Variants in NBAS observed in about 807,000 individuals in gnomAD.
NBAS encodes NBAS subunit of NRZ tethering complex, also known as NAG/BC035112 fusion.
In NBAS, 219 loss-of-function variants were observed where a neutral mutation model predicts 302.5. The ratio of observed to expected loss-of-function variants is 0.72; its 90% CI spans 0.65 to 0.81. NBAS has a LOEUF of 0.81. NBAS is among the 30% of genes least tolerant of loss of function. The pLI, the probability that NBAS is intolerant of heterozygous loss-of-function variation, is 0.00. For missense variants in NBAS, 2,932 were observed against 2,841.6 expected (o/e 1.03, Z -0.72); for synonymous variants, 1,118 against 1,021.6 (o/e 1.09, Z -1.80).
the NBAS span, among the ~76,000 whole-genome samples, chr2:14,944,311 A>C: frequency 1.4e-4 from 15 of 105,186 alleles, no homozygotes; most frequent in Non-Finnish European, 2.8e-4. Flanking sequence ...CTCAAAACAA[A>C]AAACAAAAAA....
chr2:15,070,454 G>T, the NBAS span, among the ~76,000 whole-genome samples: 6 of 152,138 alleles, frequency 3.9e-5, no homozygotes, highest in African/African-American at 4.8e-5. Flanking sequence ...CTGGGGTGTT[G>T]TTGGCCCCAT....
chr2:15,352,906 G>A (rs1302457951), intron 34 of NBAS, among the ~76,000 whole-genome samples: 3 of 149,514 alleles, frequency 2.0e-5, no homozygotes, highest in Non-Finnish European at 4.4e-5. Context: ...TTATCTTAGA[G>A]AGGCAGTGTG....
chr2:14,810,560 C>T, the NBAS span, among the ~76,000 whole-genome samples: 5 of 152,144 alleles, frequency 3.3e-5, no homozygotes, highest in African/African-American at 9.7e-5. Flanking sequence ...GTAAATTGCT[C>T]GGTCTTGGGC....
the NBAS span, among the ~76,000 whole-genome samples, chr2:14,861,481 G>A: frequency 6.6e-6 from 1 of 152,154 alleles, no homozygotes; most frequent in Admixed American, 6.5e-5. Context: ...AGATGAAAAT[G>A]CACATGCCAG....
chr2:15,440,905 A>G (rs1199489259), intron 21 of NBAS, among the ~76,000 whole-genome samples: 1 of 152,004 alleles, frequency 6.6e-6, no homozygotes, highest in East Asian at 1.9e-4. Context: ...AAAGGGTATC[A>G]GCGATGGAAG....
the NBAS span, among the ~76,000 whole-genome samples, chr2:14,959,954 C>T: frequency 6.6e-6 from 1 of 152,236 alleles, no homozygotes; most frequent in Non-Finnish European, 1.5e-5. Flanking sequence ...GCTGGATTCT[C>T]TGCTGTTTCC....
the NBAS span, among the ~76,000 whole-genome samples, chr2:15,034,235 G>GAAAGAAAGAAAGAAAAA: frequency 1.2e-5 from 1 of 81,636 alleles, no homozygotes; most frequent in Non-Finnish European, 2.6e-5. Flanking sequence ...AAAGAAAGAA[G>GAAAGAAAGAAAGAAAAA]GAAAGAAAGA....
chr2:14,817,826 G>A, the NBAS span, among the ~76,000 whole-genome samples: 3 of 152,058 alleles, frequency 2.0e-5, no homozygotes, highest in Non-Finnish European at 4.4e-5. Context: ...AAAACTAAAA[G>A]TAAGAATTCC....
intron 44 of NBAS, among the ~76,000 whole-genome samples, chr2:15,260,553 G>C (rs1327749327): frequency 1.3e-5 from 2 of 152,210 alleles, no homozygotes; most frequent in East Asian, 3.9e-4. Flanking sequence ...CCTGGGACTT[G>C]AAACAAAGGT....
intron 35 of NBAS, among the ~76,000 whole-genome samples, chr2:15,337,487 AAAAG>A (rs1482870868): frequency 6.6e-6 from 1 of 152,202 alleles, no homozygotes; most frequent in African/African-American, 2.4e-5. Context: ...TAAAAAAAAG[AAAAG>A]AAAAATGTAG....
At chr2:14,986,388 T>C in the NBAS span, among the ~76,000 whole-genome samples, 2 of 152,100 alleles carry the variant, frequency 1.3e-5, no homozygotes, top group Admixed American at 1.3e-4. Context: ...TATAAGGTTG[T>C]TAAACAATTA....
the NBAS span, among the ~76,000 whole-genome samples, chr2:14,797,230 C>T: frequency 4.9e-4 from 74 of 152,284 alleles, no homozygotes; most frequent in African/African-American, 1.7e-3. Context: ...AGAGATGTTC[C>T]GTCACTCAGT....
chr2:14,997,437 G>A, the NBAS span, among the ~76,000 whole-genome samples: 3 of 148,738 alleles, frequency 2.0e-5, no homozygotes, highest in South Asian at 6.4e-4. Context: ...CTGACCCAAC[G>A]CCAGGCCCTG....
the NBAS span, among the ~76,000 whole-genome samples, chr2:14,847,475 G>C: frequency 7.7e-6 from 1 of 129,946 alleles, no homozygotes; most frequent in Admixed American, 7.6e-5. Context: ...AAAAAGAACA[G>C]AAGTGCCTAT....
At chr2:15,366,806 T>C in intron 31 of NBAS, 113 bp from the exon 32 acceptor site, 2 of 920,716 alleles carry the variant, frequency 2.2e-6, no homozygotes, top group Admixed American at 1.9e-5. Context: ...AGGCATCAGA[T>C]GAAGGAGAAT....
the NBAS span, among the ~76,000 whole-genome samples, chr2:15,154,366 C>T: frequency 2.6e-5 from 4 of 152,262 alleles, no homozygotes; most frequent in Non-Finnish European, 4.4e-5. Flanking sequence ...GATGCTGTAG[C>T]GGGACAGAGT....
chr2:15,531,480 G>C (rs1663212797), intron 9 of NBAS, among the ~76,000 whole-genome samples: 1 of 152,128 alleles, frequency 6.6e-6, no homozygotes, highest in Non-Finnish European at 1.5e-5. Flanking sequence ...TTACACTATG[G>C]GGGTGAGTTT....
At chr2:14,905,005 CCACCGCACTCCAGCCTGGG>C in the NBAS span, among the ~76,000 whole-genome samples, 1 of 152,282 alleles carries the variant, frequency 6.6e-6, no homozygotes, top group African/African-American at 2.4e-5. Flanking sequence ...GCCGGTCGCA[CCACCGCACTCCAGCCTGGG>C]CGACAGAGTG....
At chr2:15,033,019 C>A in the NBAS span, among the ~76,000 whole-genome samples, 1 of 152,326 alleles carries the variant, frequency 6.6e-6, no homozygotes, top group African/African-American at 2.4e-5. Context: ...GTCTTAAGAA[C>A]TTGACTACTA....
Sources: allele counts gnomAD v4.1 joint callset (sites outside exome capture counted in the v4.1 genomes callset), GRCh38; gene constraint gnomAD v4.1.1; transcripts MANE v1.5; gene names NCBI Gene and HGNC (gene_info 2026-07-23, HGNC 2026-07-21).